Variants in SLC8A1 observed in about 807,000 individuals in gnomAD.
SLC8A1 encodes solute carrier family 8 member A1.
In SLC8A1, 18 loss-of-function variants were observed where a neutral mutation model predicts 68.3. That is an observed-to-expected ratio of 0.26 (90% CI 0.18 to 0.39). SLC8A1 has a LOEUF of 0.39. SLC8A1 is among the 10% of genes least tolerant of loss of function. SLC8A1 has a pLI of 1.00. For missense variants in SLC8A1, 985 were observed against 1,156.7 expected (o/e 0.85, Z 2.15); for synonymous variants, 475 against 415.5 (o/e 1.14, Z -1.74).
intron 2 of SLC8A1, chr2:40,178,454 A>G (rs767705880): frequency 3.1e-5 from 50 of 1,612,790 alleles, no homozygotes; most frequent in Non-Finnish European, 3.9e-5. Context: ...TGTTTTTCTC[A>G]TACTCCTCAT....
At chr2:40,218,867 G>C (rs1180636204) in intron 2 of SLC8A1, among the ~76,000 whole-genome samples, 2 of 152,190 alleles carry the variant, frequency 1.3e-5, no homozygotes, top group Admixed American at 1.3e-4. Context: ...CTCACCCCGA[G>C]GCTAATAGCA....
chr2:40,130,940 T>G (rs954292799), intron 7 of SLC8A1, among the ~76,000 whole-genome samples: 21 of 152,240 alleles, frequency 1.4e-4, no homozygotes, highest in African/African-American at 5.1e-4. Flanking sequence ...GCTGAAAATT[T>G]ACTTAGTTTT....
exon 8 of SLC8A1, chr2:40,104,699 C>T (rs2034090517): frequency 6.6e-6 from 1 of 151,944 alleles, no homozygotes; most frequent in South Asian, 2.1e-4. Context: ...TTTAGGGTAC[C>T]TAATATAATA....
chr2:40,331,670 T>G (rs1395830070), intron 2 of SLC8A1, among the ~76,000 whole-genome samples: 2 of 152,060 alleles, frequency 1.3e-5, no homozygotes, highest in African/African-American at 4.8e-5. Flanking sequence ...CTCGGCTCAC[T>G]GCAACCTCTG....
In SLC8A1 at chr2:40,274,541, A is replaced by G. The variant is rs576428574; in HGVS notation, c.1809-96686T>C. The stretch of plus-strand genomic sequence containing the variant: ...GTACACTTATGCAACTCTTTTGATC[A>G]TTTGCTCTAAATGCTCATTAACAGA... On this transcript the variant is annotated intron_variant, in intron 2 of 7. Transcript: ENST00000406785. Among the ~76,000 whole-genome samples, 4 of 152,218 alleles carry G rather than the reference A, an allele frequency of 2.6e-5. No homozygotes were observed. In the East Asian group the frequency reaches 7.7e-4, roughly 29 times the overall value.
At chr2:40,500,149 C>CA in intron 1 of SLC8A1, among the ~76,000 whole-genome samples, 1 of 151,966 alleles carries the variant, frequency 6.6e-6, no homozygotes, top group African/African-American at 2.4e-5. Context: ...AACAAACAAA[C>CA]AACAACAACA....
chr2:40,171,947 G>C (rs899866243), intron 4 of SLC8A1, among the ~76,000 whole-genome samples: 5 of 152,150 alleles, frequency 3.3e-5, no homozygotes, highest in African/African-American at 1.2e-4. Flanking sequence ...TGAGATCTCT[G>C]AAATATTGGT....
intron 2 of SLC8A1, among the ~76,000 whole-genome samples, chr2:40,229,853 G>C (rs2059437108): frequency 6.6e-6 from 1 of 152,112 alleles, no homozygotes; most frequent in African/African-American, 2.4e-5. Flanking sequence ...AAAGTATGCA[G>C]GTTAAAGATA....
chr2:40,407,091 G>C (rs1010885403), intron 2 of SLC8A1, among the ~76,000 whole-genome samples: 4 of 152,074 alleles, frequency 2.6e-5, no homozygotes, highest in South Asian at 4.1e-4. Flanking sequence ...GTGTGAGAGG[G>C]AGTCTCACTC....
chr2:40,481,903 T>G (rs940845204), intron 1 of SLC8A1, among the ~76,000 whole-genome samples: 3 of 152,150 alleles, frequency 2.0e-5, no homozygotes, highest in African/African-American at 7.2e-5. Flanking sequence ...CAGGATTATA[T>G]AGATCAAAAT....
chr2:40,236,397 G>C (rs2060376117), intron 2 of SLC8A1, among the ~76,000 whole-genome samples: 1 of 152,150 alleles, frequency 6.6e-6, no homozygotes, highest in African/African-American at 2.4e-5. Flanking sequence ...TTTAAGGTCT[G>C]TTTTATCAGA....
intron 2 of SLC8A1, among the ~76,000 whole-genome samples, chr2:40,369,648 A>G (rs1677380034): frequency 6.6e-6 from 1 of 152,102 alleles, no homozygotes; most frequent in African/African-American, 2.4e-5. Flanking sequence ...AGCCATTTCA[A>G]TACTTGTTAG....
chr2:40,237,795 C>G (rs1461423617), intron 2 of SLC8A1, among the ~76,000 whole-genome samples: 1 of 152,114 alleles, frequency 6.6e-6, no homozygotes, highest in Admixed American at 6.5e-5. Flanking sequence ...TGTGGACGTC[C>G]TTTCTGTTTG....
chr2:40,478,995 C>G (rs1408980264), intron 1 of SLC8A1, among the ~76,000 whole-genome samples: 1 of 152,098 alleles, frequency 6.6e-6, no homozygotes, highest in East Asian at 1.9e-4. Context: ...TAGTCTCAAA[C>G]TCCTGATCGC....
At chr2:40,223,979 A>T (rs963300872) in intron 2 of SLC8A1, among the ~76,000 whole-genome samples, 23 of 152,228 alleles carry the variant, frequency 1.5e-4, no homozygotes, top group African/African-American at 5.5e-4. Context: ...ATTAGAGCAG[A>T]CCTTGCCCTA....
intron 2 of SLC8A1, among the ~76,000 whole-genome samples, chr2:40,414,565 CTTGA>C (rs1191322568): frequency 1.3e-5 from 2 of 152,014 alleles, no homozygotes; most frequent in African/African-American, 4.8e-5. Flanking sequence ...ATGTTCTTGC[CTTGA>C]TTGATCTTTC....
intron 1 of SLC8A1, among the ~76,000 whole-genome samples, chr2:40,437,583 G>C (rs915039908): frequency 2.0e-4 from 31 of 152,108 alleles, no homozygotes; most frequent in African/African-American, 7.2e-4. Flanking sequence ...GAGGGGAACG[G>C]ATAATGAACG....
At chr2:40,284,566 T>A (rs1377317118) in intron 2 of SLC8A1, among the ~76,000 whole-genome samples, 1 of 147,290 alleles carries the variant, frequency 6.8e-6, no homozygotes, top group African/African-American at 2.5e-5. Flanking sequence ...TTATATATAT[T>A]GTTATATATC....
intron 2 of SLC8A1, among the ~76,000 whole-genome samples, chr2:40,276,321 G>A (rs1245748047): frequency 1.3e-5 from 2 of 152,176 alleles, no homozygotes; most frequent in Admixed American, 1.3e-4. Context: ...TTATAAGGGA[G>A]GTATTGTTGA....
Sources: allele counts gnomAD v4.1 joint callset (sites outside exome capture counted in the v4.1 genomes callset), GRCh38; gene constraint gnomAD v4.1.1; transcripts MANE v1.5; gene names NCBI Gene and HGNC (gene_info 2026-07-23, HGNC 2026-07-21).